The following CARMIL1 variants were observed in gnomAD, a reference collection of about 807,000 sequenced individuals.
CARMIL1 encodes capping protein regulator and myosin 1 linker 1, also known as F-actin-uncapping protein LRRC16A.
Under a neutral mutation model 177.1 loss-of-function variants are expected in CARMIL1, and 90 were observed. The ratio of observed to expected loss-of-function variants is 0.51; its 90% confidence interval spans 0.43 to 0.61. The LOEUF (loss-of-function observed/expected upper bound fraction) is 0.61, where lower values mean the gene tolerates loss of function less well. Among genes scored for constraint, CARMIL1 ranks in the 20% least tolerant of loss-of-function variants. The probability of loss-of-function intolerance (pLI) is 0.00; values close to 1 mark genes in which losing one functional copy is unlikely to be tolerated. For synonymous variants in CARMIL1, 577 were observed against 606.2 expected (o/e 0.95, Z 0.71); for missense variants, 1,380 against 1,667.0 (o/e 0.83, Z 3.00).
At chr6:25,526,725 T>A (rs1480946852) in intron 23 of CARMIL1, among the ~76,000 whole-genome samples, 5 of 152,052 alleles carry the variant, frequency 3.3e-5, no homozygotes, top group East Asian at 3.9e-4. Context: ...GCTAATTTTT[T>A]AATTTTTTGT....
intron 2 of CARMIL1, among the ~76,000 whole-genome samples, chr6:25,345,589 T>G (rs911644491): frequency 6.6e-6 from 1 of 152,186 alleles, no homozygotes; most frequent in Non-Finnish European, 1.5e-5. Flanking sequence ...TTCCACTTAC[T>G]TAAGAGAAGA....
chr6:25,545,747 C>T (rs1191778287), intron 26 of CARMIL1, among the ~76,000 whole-genome samples: 2 of 151,852 alleles, frequency 1.3e-5, no homozygotes, highest in Non-Finnish European at 2.9e-5. Flanking sequence ...AAATTAATAA[C>T]AAAAGATAAC....
intron 29 of CARMIL1, among the ~76,000 whole-genome samples, chr6:25,565,225 A>G (rs1811447590): frequency 6.6e-6 from 1 of 151,294 alleles, no homozygotes; most frequent in Admixed American, 6.6e-5. Flanking sequence ...TGTAGATCTC[A>G]CTTAAGGGTT....
chr6:25,460,827 C>T (rs1258050057), intron 8 of CARMIL1, among the ~76,000 whole-genome samples: 1 of 152,108 alleles, frequency 6.6e-6, no homozygotes, highest in Non-Finnish European at 1.5e-5. Flanking sequence ...GTACTTGTCT[C>T]CTTAGAGAAA....
chr6:25,405,803 T>C (rs17317669), intron 2 of CARMIL1, among the ~76,000 whole-genome samples: 32,492 of 152,200 alleles, frequency 0.21, 4,147 homozygotes, highest in Non-Finnish European at 0.29. Flanking sequence ...ACTTCCCTTA[T>C]AGGATATGGC....
intron 26 of CARMIL1, among the ~76,000 whole-genome samples, chr6:25,541,486 ATTG>A (rs1334282587): frequency 1.3e-5 from 2 of 152,222 alleles, no homozygotes; most frequent in Non-Finnish European, 2.9e-5. Context: ...ATAATTTGAC[ATTG>A]TTATGTCAAA....
chr6:25,551,137 T>A, intron 27 of CARMIL1, 52 bp downstream of exon 27: 1 of 1,435,982 alleles, frequency 7.0e-7, no homozygotes, highest in East Asian at 2.3e-5. Context: ...GTAAATGCAG[T>A]CGAGGCAGCT....
At chr6:25,315,509 C>A (rs1784206713) in intron 2 of CARMIL1, among the ~76,000 whole-genome samples, 1 of 152,236 alleles carries the variant, frequency 6.6e-6, no homozygotes, top group Admixed American at 6.5e-5. Context: ...GAGCAGGGCA[C>A]TGGCTCTCCA....
chr6:25,512,498 G>A (rs929146795), intron 20 of CARMIL1, among the ~76,000 whole-genome samples: 2 of 152,080 alleles, frequency 1.3e-5, no homozygotes, highest in Non-Finnish European at 2.9e-5. Flanking sequence ...AAATGATTAG[G>A]AGATGAGTCT....
intron 15 of CARMIL1, among the ~76,000 whole-genome samples, chr6:25,493,429 A>T (rs1054213858): frequency 6.6e-6 from 1 of 152,218 alleles, no homozygotes; most frequent in African/African-American, 2.4e-5. Flanking sequence ...ATCCATCAGG[A>T]TAAGTTAGAT....
chr6:25,550,907 C>T lies in CARMIL1; in HGVS notation c.2329-3C>T, dbSNP rs1810033948. The T allele has an allele frequency of 1.9e-6, 3 of 1,612,266 alleles. No individual in the cohort carries two copies. The highest frequency in any genetic ancestry group is 1.3e-5 in the African/African-American group (1 of 74,946). The stretch of plus-strand genomic sequence containing the variant: ...TCTTCCCTTCACTTGTGCTGCATTG[C>T]AGGCGTTGCTTGAGTCCATGGTTGA... On this transcript the variant is annotated splice_region_variant and splice_polypyrimidine_tract_variant and intron_variant, in intron 26 of 36. Transcript: ENST00000329474.
chr6:25,568,613 A>T (rs143633675), intron 29 of CARMIL1, among the ~76,000 whole-genome samples: 1 of 152,164 alleles, frequency 6.6e-6, no homozygotes, highest in Non-Finnish European at 1.5e-5. Context: ...CTGCAAGTCC[A>T]CCTCAGCCCT....
chr6:25,431,618 G>A (rs1796799408), intron 4 of CARMIL1, among the ~76,000 whole-genome samples: 1 of 152,010 alleles, frequency 6.6e-6, no homozygotes, highest in Admixed American at 6.5e-5. Context: ...AAGGGCACTA[G>A]CGAAATGTTA....
intron 2 of CARMIL1, among the ~76,000 whole-genome samples, chr6:25,365,218 C>T (rs1437263019): frequency 6.6e-6 from 1 of 152,178 alleles, no homozygotes; most frequent in Non-Finnish European, 1.5e-5. Flanking sequence ...TGCTTCACCA[C>T]CTTGATGCTG....
chr6:25,433,848 C>T (rs1206672410), intron 4 of CARMIL1, among the ~76,000 whole-genome samples: 2 of 152,066 alleles, frequency 1.3e-5, no homozygotes, highest in African/African-American at 4.8e-5. Flanking sequence ...ACATACCTTG[C>T]GTTACTTTTC....
chr6:25,435,130 A>G (rs989424659), intron 4 of CARMIL1, among the ~76,000 whole-genome samples: 1 of 152,194 alleles, frequency 6.6e-6, no homozygotes, highest in African/African-American at 2.4e-5. Context: ...ATGGGAGTCT[A>G]TTTGAATCTG....
At chr6:25,499,442 T>C (rs1488470117) in intron 16 of CARMIL1, among the ~76,000 whole-genome samples, 1 of 152,248 alleles carries the variant, frequency 6.6e-6, no homozygotes, top group Admixed American at 6.5e-5. Context: ...TGTGTGAATT[T>C]TCTGTTTCAA....
rs185008975 is a variant in CARMIL1 at position 25,458,694 on chromosome 6, T to C, written c.615-7179T>C. The stretch of plus-strand genomic sequence containing the variant: ...CATTGGTGAGATGACAGCACAGTGG[T>C]TAAGACACGGGATCATGAGTCACAC... On this transcript the variant is annotated intron_variant, in intron 8 of 36. Transcript: ENST00000329474. Among the ~76,000 whole-genome samples, 320 of 152,160 alleles carry C rather than the reference T, an allele frequency of 2.1e-3. 5 individuals carry two copies. Among genetic ancestry groups the C allele is most frequent in the Non-Finnish European group, 2.9e-4 (20 of 67,992 alleles).
rs534625001 is a variant in CARMIL1 at position 25,423,759 on chromosome 6, G to T, written c.190-2742G>T. ...GAGATTGGTGGAAAAGCTATTGACA[G>T]TCTGGGTTAAGTTTTTCCTCTTATC... On this transcript the variant is annotated intron_variant, in intron 3 of 36. Transcript: ENST00000329474. 5.3e-5 allele frequency among the ~76,000 whole-genome samples: 8 copies of T among 152,286 alleles called. No homozygotes were observed. The South Asian group carries it at 1.2e-3, about 24-fold the overall frequency.
Sources: gnomAD v4.1 joint callset for allele counts (sites outside exome capture counted in the v4.1 genomes callset) on GRCh38, gnomAD v4.1.1 for gene constraint, MANE v1.5 for transcripts, NCBI Gene and HGNC (gene_info 2026-07-23, HGNC 2026-07-21) for gene names.